HDC: variants seen among roughly 807,000 people sequenced by gnomAD.
HDC encodes histidine decarboxylase.
HDC carries 27 observed loss-of-function variants against 64.4 expected under a neutral mutation model. The observed-to-expected ratio is 0.42, with a 90% CI of 0.31 to 0.58. The LOEUF (loss-of-function observed/expected upper bound fraction) is 0.58, where lower values mean the gene tolerates loss of function less well. Ranked by LOEUF, HDC falls within the 20% of genes least tolerant of loss-of-function variation. The pLI is 0.16. For synonymous variants in HDC, 305 were observed against 314.2 expected (o/e 0.97, Z 0.31); for missense variants, 711 against 833.9 (o/e 0.85, Z 1.81).
At position 50,265,667 on chromosome 15, in the gene HDC, G is replaced by GGTGGAAGGC. The variant is rs752302051; in HGVS notation, c.-53_-45dup. Reference sequence around the variant, plus strand: ...CCTTCTCACAGATGGACACGCAGGAGGTGGAAGGCGTGAAAGGCGTGGAGC... The same window carrying GGTGGAAGGC: ...CCTTCTCACAGATGGACACGCAGGAGGTGGAAGGCGTGGAAGGCGTGAAAGGCGTGGAGC... On this transcript the variant is annotated 5_prime_UTR_variant, in exon 1 of 12. Transcript: ENST00000267845. 4 of 1,605,000 alleles carry GGTGGAAGGC rather than the reference G, an allele frequency of 2.5e-6. No homozygotes were observed. Among genetic ancestry groups the GGTGGAAGGC allele is most frequent in the Non-Finnish European group, 3.4e-6 (4 of 1,171,868 alleles).
chr15:50,247,399 T>C (rs562992467), intron 10 of HDC, among the ~76,000 whole-genome samples: 8 of 152,196 alleles, frequency 5.3e-5, no homozygotes, highest in African/African-American at 1.9e-4. Flanking sequence ...TTATTTTTTT[T>C]AAATGTTAAA....
At chr15:50,250,073 T>A (rs2045534715) in intron 9 of HDC, among the ~76,000 whole-genome samples, 1 of 152,234 alleles carries the variant, frequency 6.6e-6, no homozygotes, top group Non-Finnish European at 1.5e-5. Flanking sequence ...CCACTGGTGC[T>A]CTCTGTCCAG....
chr15:50,261,776 C>A (rs2045706419), intron 2 of HDC, among the ~76,000 whole-genome samples: 1 of 150,440 alleles, frequency 6.6e-6, no homozygotes, highest in South Asian at 2.1e-4. Context: ...ACGGCGCTAT[C>A]TCAGCTCACC....
chr15:50,245,880 A>G (rs1182752657), intron 10 of HDC, among the ~76,000 whole-genome samples: 1 of 151,940 alleles, frequency 6.6e-6, no homozygotes, highest in Non-Finnish European at 1.5e-5. Context: ...TGAGCAACAG[A>G]GACCTCATCT....
chr15:50,258,160 C>G (rs1437194111), intron 3 of HDC, among the ~76,000 whole-genome samples: 1 of 152,114 alleles, frequency 6.6e-6, no homozygotes, highest in Non-Finnish European at 1.5e-5. Context: ...GCTGTGTGAT[C>G]TGGGGGAGAT....
Position 50,254,812 on chromosome 15 carries a change from G to T in HDC, c.442-148C>A, listed in dbSNP as rs1595707803. On this transcript the variant is annotated intron_variant, in intron 4 of 11. Transcript: ENST00000267845. Reference sequence around the variant, plus strand: ...TGTGTTTGTGTATGTGTGTGTCATAGCTATTCACAGAAGGAAATACACAGC... The same window carrying T: ...TGTGTTTGTGTATGTGTGTGTCATATCTATTCACAGAAGGAAATACACAGC... The T allele has an allele frequency of 1.3e-4, 106 of 846,642 alleles. 1 individual carries two copies. In the South Asian group the frequency reaches 1.6e-3, roughly 12 times the overall value. 52.4% of individuals were successfully genotyped at this position (846,642 alleles called of 1,614,324 possible).
rs2045400672 is a variant in HDC at position 50,242,094 on chromosome 15, T to G, written c.*166A>C. On this transcript the variant is annotated 3_prime_UTR_variant, in exon 12 of 12. Coordinates refer to ENST00000267845, the MANE Select transcript of HDC (RefSeq NM_002112.4). ...ATCATGCTGGCTTAAACTCTTCGTT[T>G]GTATCCTATTGTGGGTCATGAACCC... 1 of 692,102 alleles carries G rather than the reference T, an allele frequency of 1.4e-6. No individual in the cohort carries two copies. The highest frequency in any genetic ancestry group is 2.5e-6 in the Non-Finnish European group (1 of 393,392). 42.9% of individuals were successfully genotyped at this position (692,102 alleles called of 1,614,324 possible).
Position 50,241,953 on chromosome 15 carries a change from T to A in HDC, c.*307A>T. ...TTAAGTGACACAGGGTATGTTTTGT[T>A]TCAGGGACAAGCATAATTTATTTCT... is the stretch of plus-strand genomic sequence containing the variant. On this transcript the variant is annotated 3_prime_UTR_variant, in exon 12 of 12. Coordinates refer to ENST00000267845, the MANE Select transcript of HDC (RefSeq NM_002112.4). 1 of 455,370 alleles carries A rather than the reference T, an allele frequency of 2.2e-6. No individual in the cohort carries two copies. The highest frequency in any genetic ancestry group is 4.0e-6 in the Non-Finnish European group (1 of 252,590). The allele number at this position is 455,370 out of a possible 1,614,324, so 28.2% of individuals were successfully genotyped here. A position where few individuals can be genotyped will look rare whatever the true frequency, so the allele number is the denominator to read the frequency against.
intron 6 of HDC, 179 bp downstream of exon 6, chr15:50,253,951 T>C: frequency 1.4e-6 from 1 of 704,372 alleles, no homozygotes; most frequent in Admixed American, 2.3e-5. Flanking sequence ...ATGCTGGTTA[T>C]GACCCACAAA....
chr15:50,243,560 A>T (rs909542683), intron 10 of HDC, among the ~76,000 whole-genome samples: 2 of 152,210 alleles, frequency 1.3e-5, no homozygotes, highest in African/African-American at 2.4e-5. Context: ...CTGATTTCAC[A>T]GCTCCTTGAC....
At chr15:50,264,615 TTGTC>T (rs986906810) in intron 1 of HDC, among the ~76,000 whole-genome samples, 1 of 152,170 alleles carries the variant, frequency 6.6e-6, no homozygotes, top group African/African-American at 2.4e-5. Flanking sequence ...ACATATCTCT[TTGTC>T]TGTCTCAACA....
chr15:50,252,561 CAG>C (rs1365212946), intron 8 of HDC, 41 bp from the exon 9 acceptor site: 2 of 1,614,032 alleles, frequency 1.2e-6, no homozygotes, highest in African/African-American at 2.7e-5. Context: ...GAGGTCTCTC[CAG>C]AGGAGGCAAG....
In HDC at chr15:50,254,153, G is replaced by C. The variant is rs376573427; in HGVS notation, c.697C>G (p.Gln233Glu). Residue 233 changes from glutamine (Q) to glutamate (E), a missense_variant, in exon 6 of 12, where the codon CAG becomes GAG. Gln to Glu is a conservative substitution (Grantham distance 29, BLOSUM62 2). Coordinates refer to ENST00000267845, the MANE Select transcript of HDC (RefSeq NM_002112.4). ...ALQKAIEEDKQRGLVPVFVCA... is the reference protein window; with the variant it reads ...ALQKAIEEDKERGLVPVFVCA... ...ACAAAGACGGGCACCAAGCCCCGCT[G>C]CTTGTCTTCCTCGATGGCCTTCTGA... 95 of 1,614,094 alleles carry C rather than the reference G, an allele frequency of 5.9e-5. No individual in the cohort carries two copies. The highest frequency in any genetic ancestry group is 8.1e-5 in the Non-Finnish European group (95 of 1,180,046).
At position 50,242,347 on chromosome 15, in the gene HDC, G is replaced by A; in HGVS notation, c.1902C>T (p.Ile634=). ...MLKKSAFKKL[I]KFYSVPSFPE... ...GAAAGCTGGGGACGCTGTAGAATTT[G>A]ATGAGTTTTTTGAAGGCACTTTTCT... The change falls in exon 12 of 12, where the codon ATC becomes ATT. Residue 634 remains isoleucine (I), a synonymous_variant. Transcript: ENST00000267845. 3 of 1,614,160 alleles carry A rather than the reference G, an allele frequency of 1.9e-6. No individual in the cohort carries two copies. The highest frequency in any genetic ancestry group is 2.5e-6 in the Non-Finnish European group (3 of 1,180,020).
rs2045514504 is a variant in HDC, at chr15:50,248,602, A to G, written c.1042-259T>C. The stretch of plus-strand genomic sequence containing the variant: ...AAGTCAAGTCCATTACCCTGAACCA[A>G]TGAGAAGGGCACTTTGCTTTCAAGT... On this transcript the variant is annotated intron_variant, in intron 9 of 11. Coordinates refer to ENST00000267845, the MANE Select transcript of HDC (RefSeq NM_002112.4). This position sits in a 1 kb window ranked among gnomAD's most constrained non-coding sequence, Gnocchi z 4.3. Among the ~76,000 whole-genome samples, 1 of 152,184 alleles carries G rather than the reference A, an allele frequency of 6.6e-6. No individual in the cohort carries two copies. Among genetic ancestry groups the G allele is most frequent in the South Asian group, 2.1e-4 (1 of 4,830 alleles).
At chr15:50,250,187 G>C (rs1190138953) in intron 9 of HDC, among the ~76,000 whole-genome samples, 1 of 152,198 alleles carries the variant, frequency 6.6e-6, no homozygotes, top group African/African-American at 2.4e-5. Context: ...TTCTCTCCTG[G>C]GATGCTGCCC....
chr15:50,252,612 C>G lies in HDC; in HGVS notation c.950G>C (p.Trp317Ser). ...MMVHFDCTGF[W>S]VKDKYKLQQT... The stretch of plus-strand genomic sequence containing the variant: ...CTCGGAGCTGGGCTGCTACACTCAC[C>G]AGAACCCAGTACAGTCAAAATGCAC... Residue 317 changes from tryptophan to serine, a missense_variant and splice_region_variant, in exon 8 of 12, where the codon TGG becomes TCG. This residue lies in a region of HDC where 483 missense variants were observed against 540.9 expected (regional missense o/e 0.89). Coordinates refer to ENST00000267845, the MANE Select transcript of HDC (RefSeq NM_002112.4). The G allele has an allele frequency of 6.2e-7, 1 of 1,614,160 alleles. No homozygotes were observed. The highest frequency in any genetic ancestry group is 8.5e-7 in the Non-Finnish European group (1 of 1,180,028).
At position 50,248,321 on chromosome 15, in the gene HDC, CG is replaced by C. The variant is rs1284019033; in HGVS notation, c.1063del (p.Arg355AspfsTer11). 2 of 1,613,846 alleles carry C rather than the reference CG, an allele frequency of 1.2e-6. No homozygotes were observed. The highest frequency in any genetic ancestry group is 1.7e-6 in the Non-Finnish European group (2 of 1,179,874). ...DFMHWQIPLS[R>X]RFRSVKLWFV... ...CCAGAGTTTAACAGAGCGAAACCGT[CG>C]GCTCAGGGGGATCTGCCAGTGCTAG... is the stretch of plus-strand genomic sequence containing the variant. On this transcript the variant is annotated frameshift_variant, in exon 10 of 12. Transcript: ENST00000267845. LOFTEE classifies it high-confidence loss of function. This position sits in a 1 kb window ranked among gnomAD's most constrained non-coding sequence, Gnocchi z 4.3.
intron 9 of HDC, among the ~76,000 whole-genome samples, chr15:50,252,012 CA>C (rs200345118): frequency 6.6e-6 from 1 of 151,824 alleles, no homozygotes; most frequent in South Asian, 2.1e-4. Flanking sequence ...CTGTCAGGGA[CA>C]AAAAAACAAA....
Sources: allele counts gnomAD v4.1 joint callset (sites outside exome capture counted in the v4.1 genomes callset), GRCh38; gene constraint gnomAD v4.1.1; regional missense constraint gnomAD v4.1.1; non-coding constraint Gnocchi (gnomAD v3.1); transcripts MANE v1.5; gene names NCBI Gene and HGNC (gene_info 2026-07-23, HGNC 2026-07-21).